ROBO1: variants seen among roughly 807,000 people sequenced by gnomAD.
ROBO1 encodes the protein roundabout homolog 1.
Under a neutral mutation model 195.9 loss-of-function variants are expected in ROBO1, and 149 were observed. The ratio of observed to expected loss-of-function variants is 0.76; its 90% confidence interval spans 0.67 to 0.87. The LOEUF (loss-of-function observed/expected upper bound fraction) is 0.87. Among genes scored for constraint, ROBO1 ranks in the 40% least tolerant of loss-of-function variants. The probability of loss-of-function intolerance (pLI) is 0.00; values close to 1 mark genes in which losing one functional copy is unlikely to be tolerated. For missense variants in ROBO1, 1,933 were observed against 2,068.3 expected (o/e 0.93, Z 1.27); for synonymous variants, 816 against 733.2 (o/e 1.11, Z -1.82).
chr3:79,279,102 C>T (rs747836832), intron 2 of ROBO1, among the ~76,000 whole-genome samples: 1 of 151,790 alleles, frequency 6.6e-6, no homozygotes, highest in African/African-American at 2.4e-5. Flanking sequence ...GTAGTTTCTA[C>T]TAAAACTACA....
chr3:79,221,349 T>C (rs2082135282), intron 2 of ROBO1, among the ~76,000 whole-genome samples: 1 of 152,082 alleles, frequency 6.6e-6, no homozygotes, highest in South Asian at 2.1e-4. Context: ...AATACACTTT[T>C]ACATGAATTA....
At chr3:79,691,007 T>C (rs1947283350) in intron 1 of ROBO1, among the ~76,000 whole-genome samples, 1 of 151,916 alleles carries the variant, frequency 6.6e-6, no homozygotes, top group Non-Finnish European at 1.5e-5. Context: ...AATTTCAAGA[T>C]ACATATTCTT....
At chr3:79,622,800 C>A (rs747483855) in intron 1 of ROBO1, among the ~76,000 whole-genome samples, 23 of 152,180 alleles carry the variant, frequency 1.5e-4, no homozygotes, top group Non-Finnish European at 3.1e-4. Context: ...AGGTACACCC[C>A]CTCCACCAAA....
intron 2 of ROBO1, among the ~76,000 whole-genome samples, chr3:79,141,624 C>A (rs1178391095): frequency 1.3e-5 from 2 of 151,496 alleles, no homozygotes; most frequent in African/African-American, 4.8e-5. Context: ...CACCCTCCCC[C>A]ACTTCTCCAT....
chr3:78,911,331 G>C lies in ROBO1; in HGVS notation c.499+27270C>G, dbSNP rs185226119. ...GCATAGTTACCTAAATGCTTTTATG[G>C]AAGTAATGTATGGAGAATTCAGGCC... On this transcript the variant is annotated intron_variant, in intron 4 of 30. Transcript: ENST00000464233. 3.3e-5 allele frequency among the ~76,000 whole-genome samples: 5 copies of C among 152,048 alleles called. 1 individual carries two copies. In the East Asian group the frequency reaches 9.6e-4, roughly 29 times the overall value.
intron 2 of ROBO1, among the ~76,000 whole-genome samples, chr3:79,400,059 G>A (rs1218369486): frequency 1.3e-5 from 2 of 152,016 alleles, no homozygotes; most frequent in African/African-American, 2.4e-5. Context: ...GCTGTGTTCT[G>A]ATCAGTCCTC....
At chr3:79,293,445 T>C (rs2032382647) in intron 2 of ROBO1, among the ~76,000 whole-genome samples, 1 of 152,322 alleles carries the variant, frequency 6.6e-6, no homozygotes, top group Middle Eastern at 3.4e-3. Context: ...TGGTCTTGCT[T>C]CTCTAGTTCT....
chr3:78,600,190 C>A lies in ROBO1; in HGVS notation c.4864G>T (p.Val1622Leu). 1.2e-6 allele frequency: 2 copies of A among 1,613,592 alleles called. No homozygotes were observed. The highest frequency in any genetic ancestry group is 1.7e-6 in the Non-Finnish European group (2 of 1,179,656). ...SGSRQREQAN[V>L]GRRNIAEMQV... Reference sequence around the variant, plus strand: ...ATTTCTGCAATATTTCTTCGACCTACATTTGCTTGTTCTCTTTGTCTGCTT... The same window carrying A: ...ATTTCTGCAATATTTCTTCGACCTAAATTTGCTTGTTCTCTTTGTCTGCTT... The change falls in exon 30 of 31, where the codon GTA (valine) becomes TTA (leucine). Residue 1622 changes from valine to leucine, a missense_variant. Transcript: ENST00000464233.
intron 4 of ROBO1, among the ~76,000 whole-genome samples, chr3:78,769,045 G>A (rs2083301239): frequency 6.6e-6 from 1 of 152,034 alleles, no homozygotes; most frequent in East Asian, 1.9e-4. Context: ...GCAGTTGTTG[G>A]ATGAGATGTT....
intron 2 of ROBO1, among the ~76,000 whole-genome samples, chr3:79,346,980 T>C (rs2035144663): frequency 6.6e-6 from 1 of 152,066 alleles, no homozygotes; most frequent in Non-Finnish European, 1.5e-5. Flanking sequence ...AATTTAATGA[T>C]AACCTTTTTG....
intron 5 of ROBO1, among the ~76,000 whole-genome samples, chr3:78,724,872 CA>C (rs1274195549): frequency 6.6e-6 from 1 of 152,058 alleles, no homozygotes; most frequent in Non-Finnish European, 1.5e-5. Flanking sequence ...AATGTGAAAA[CA>C]GCACTATTTA....
chr3:78,908,465 G>C (rs556735783), intron 4 of ROBO1, among the ~76,000 whole-genome samples: 1 of 151,822 alleles, frequency 6.6e-6, no homozygotes, highest in South Asian at 2.1e-4. Flanking sequence ...CATATGTACT[G>C]GAGATTACCA....
At chr3:79,692,879 G>A (rs991811887) in intron 1 of ROBO1, among the ~76,000 whole-genome samples, 1 of 151,516 alleles carries the variant, frequency 6.6e-6, no homozygotes, top group East Asian at 1.9e-4. Flanking sequence ...AGTTATCTTG[G>A]GAATAGGATC....
intron 5 of ROBO1, among the ~76,000 whole-genome samples, chr3:78,725,889 T>C (rs1479225248): frequency 6.6e-6 from 1 of 152,020 alleles, no homozygotes; most frequent in African/African-American, 2.4e-5. Flanking sequence ...CTTCATTTTC[T>C]ACCCTAAAGC....
At chr3:78,960,163 C>G (rs2041263432) in intron 3 of ROBO1, among the ~76,000 whole-genome samples, 1 of 151,998 alleles carries the variant, frequency 6.6e-6, no homozygotes, top group African/African-American at 2.4e-5. Flanking sequence ...GGTGACACGG[C>G]AAAATCCCAT....
rs1028718954 is a variant in ROBO1, at chr3:79,248,235, T to A, written c.89-122696A>T. ...GGTGATCCCTTGTTTTCTTTTACGA[T>A]GGCTAGTAAATTTATTCATTTAATA... On this transcript the variant is annotated intron_variant, in intron 2 of 30. Transcript: ENST00000464233. Among the ~76,000 whole-genome samples the A allele has an allele frequency of 2.0e-5, 3 of 151,892 alleles. No individual in the cohort carries two copies. In the South Asian group the frequency reaches 6.2e-4, roughly 31 times the overall value.
At chr3:78,865,870 G>A (rs545033375) in intron 4 of ROBO1, among the ~76,000 whole-genome samples, 1 of 152,174 alleles carries the variant, frequency 6.6e-6, no homozygotes, top group East Asian at 1.9e-4. Flanking sequence ...AACTCAAAAG[G>A]ACAAGACTCC....
chr3:79,519,701 C>T (rs1941124124), intron 2 of ROBO1, among the ~76,000 whole-genome samples: 1 of 150,984 alleles, frequency 6.6e-6, no homozygotes, highest in Non-Finnish European at 1.5e-5. Flanking sequence ...TTGTCCCAGC[C>T]AGGAGAAGGT....
At chr3:79,037,418 G>A (rs1024374765) in intron 3 of ROBO1, among the ~76,000 whole-genome samples, 1 of 151,980 alleles carries the variant, frequency 6.6e-6, no homozygotes, top group Non-Finnish European at 1.5e-5. Flanking sequence ...CCATCAATTA[G>A]TGGTAACTTA....
Sources: allele counts gnomAD v4.1 joint callset (sites outside exome capture counted in the v4.1 genomes callset), GRCh38; gene constraint gnomAD v4.1.1; transcripts MANE v1.5; gene names NCBI Gene and HGNC (gene_info 2026-07-23, HGNC 2026-07-21).